The following SLC22A13 variants were observed in gnomAD, a reference collection of about 807,000 sequenced individuals.
SLC22A13 encodes organic anion transporter 10.
Under a neutral mutation model 49.1 loss-of-function variants are expected in SLC22A13, and 42 were observed. The ratio of observed to expected loss-of-function variants is 0.85; its 90% CI spans 0.67 to 1.11. SLC22A13 has a LOEUF of 1.11. SLC22A13 is among the 50% of genes least tolerant of loss of function. The pLI, the probability that SLC22A13 is intolerant of heterozygous loss-of-function variation, is 0.00. For missense variants in SLC22A13, 694 were observed against 712.8 expected, an observed-to-expected ratio of 0.97 and a Z score of 0.30; for synonymous variants, 282 against 293.1, an observed-to-expected ratio of 0.96 and a Z score of 0.39.
At chr3:38,276,421 T>A in intron 8 of SLC22A13, 26 bp downstream of exon 8, 1 of 1,476,902 alleles carries the variant, frequency 6.8e-7, no homozygotes, top group Non-Finnish European at 9.4e-7. Context: ...TGACTCCTGC[T>A]CCTCTGCTAC....
In SLC22A13 at chr3:38,277,743, T is replaced by G. The variant is rs922115942; in HGVS notation, c.*278T>G. On this transcript the variant is annotated 3_prime_UTR_variant, in exon 10 of 10. Transcript: ENST00000311856. ...TAGGATCTTGGGTATGTCTTGGAAT[T>G]AACTTGTCCTCTAACAATCTTCATG... The G allele has an allele frequency of 6.5e-6, 2 of 309,916 alleles. No homozygotes were observed. The highest frequency in any genetic ancestry group is 4.6e-5 in the Admixed American group (1 of 21,788). The allele number at this position is 309,916 out of a possible 1,614,324, so 19.2% of individuals were successfully genotyped here.
chr3:38,273,688 G>A (rs897818494), intron 1 of SLC22A13, among the ~76,000 whole-genome samples: 3 of 152,218 alleles, frequency 2.0e-5, no homozygotes, highest in African/African-American at 7.2e-5. Context: ...CAGGCCAAAA[G>A]AAATGCCTAA....
chr3:38,275,559 C>G lies in SLC22A13; in HGVS notation c.928-19C>G, dbSNP rs199896503. The G allele has an allele frequency of 5.6e-6, 9 of 1,613,964 alleles. No individual in the cohort carries two copies. In the Admixed American group the frequency reaches 1.2e-4, roughly 21 times the overall value. On this transcript the variant is annotated intron_variant, in intron 5 of 9. Transcript: ENST00000311856. ...ACGGATCTTCCTGCCTGGCTTCTCA[C>G]TCTGCTTCTTCCTCCCAGCTGGTCC... is the stretch of plus-strand genomic sequence containing the variant.
rs373051920 is a variant in SLC22A13 at position 38,268,069 on chromosome 3, TATC to T, written c.378+1834_378+1836del. ...TGAAAAGAATGCATACACAAAGAAT[TATC>T]ATGTGAGAAAGCATTGGTTAACGCT... is the stretch of plus-strand genomic sequence containing the variant. On this transcript the variant is annotated intron_variant, in intron 1 of 9. Transcript: ENST00000311856. Among the ~76,000 whole-genome samples, 387 of 152,322 alleles carry T rather than the reference TATC, an allele frequency of 2.5e-3. 2 individuals carry two copies. The highest frequency in any genetic ancestry group is 8.3e-3 in the African/African-American group (344 of 41,560).
At position 38,269,981 on chromosome 3, in the gene SLC22A13, T is replaced by A. The variant is rs1703503225; in HGVS notation, c.378+3743T>A. On this transcript the variant is annotated intron_variant, in intron 1 of 9. Coordinates refer to ENST00000311856, the MANE Select transcript of SLC22A13 (RefSeq NM_004256.4). ...GAATATACGGTGTTTGGTTTTTTGTTCTTGCGATAGTTTACTGAGAATGAT... is the reference window on the plus strand; with the variant it reads ...GAATATACGGTGTTTGGTTTTTTGTACTTGCGATAGTTTACTGAGAATGAT... Among the ~76,000 whole-genome samples the A allele has an allele frequency of 2.0e-5, 3 of 151,468 alleles. No homozygotes were observed. The South Asian group carries it at 6.3e-4, about 32-fold the overall frequency.
intron 6 of SLC22A13, 97 bp from the exon 7 acceptor site, chr3:38,275,785 C>T: frequency 6.8e-7 from 1 of 1,470,480 alleles, no homozygotes; most frequent in South Asian, 1.2e-5. Flanking sequence ...CCTGGTTGTG[C>T]CAGTGTCCCC....
At chr3:38,266,495 T>G (rs1703465951) in intron 1 of SLC22A13, among the ~76,000 whole-genome samples, 1 of 152,228 alleles carries the variant, frequency 6.6e-6, no homozygotes, top group East Asian at 1.9e-4. Context: ...GTCTCTGTCT[T>G]TCCTTGTCTC....
chr3:38,277,692 C>G lies in SLC22A13; in HGVS notation c.*227C>G, dbSNP rs1703603868. ...TCCTTCACCTTTCTCATCTCCAGAG[C>G]CCTGCCCCCAATACTCTGTCTGGGT... On this transcript the variant is annotated 3_prime_UTR_variant, in exon 10 of 10. Transcript: ENST00000311856. 1 of 478,098 alleles carries G rather than the reference C, an allele frequency of 2.1e-6. No homozygotes were observed. Among genetic ancestry groups the G allele is most frequent in the African/African-American group, 1.9e-5 (1 of 51,342 alleles). The allele number at this position is 478,098 out of a possible 1,614,324, so 29.6% of individuals were successfully genotyped here.
At chr3:38,268,941 AAAACAAACAAAC>A (rs746937457) in intron 1 of SLC22A13, among the ~76,000 whole-genome samples, 3 of 152,068 alleles carry the variant, frequency 2.0e-5, no homozygotes, top group Admixed American at 6.5e-5. Flanking sequence ...AAACACCCGC[AAAACAAACAAAC>A]AAACAAACAA....
At chr3:38,272,029 A>T (rs552045888) in intron 1 of SLC22A13, among the ~76,000 whole-genome samples, 2 of 152,206 alleles carry the variant, frequency 1.3e-5, no homozygotes, top group Non-Finnish European at 2.9e-5. Context: ...ACCACCTGCA[A>T]CATGACAACA....
intron 4 of SLC22A13, 32 bp downstream of exon 4, chr3:38,275,189 C>G (rs911392343): frequency 1.9e-6 from 3 of 1,612,496 alleles, no homozygotes; most frequent in East Asian, 2.2e-5. Context: ...AGCAAGCCCC[C>G]CCAGGTTAGT....
In SLC22A13 at chr3:38,275,491, G is replaced by A. The variant is rs1244158506; in HGVS notation, c.927+1G>A. The A allele has an allele frequency of 6.2e-7, 1 of 1,614,214 alleles. No homozygotes were observed. Among genetic ancestry groups the A allele is most frequent in the Non-Finnish European group, 8.5e-7 (1 of 1,180,032 alleles). On this transcript the variant is annotated splice_donor_variant, in intron 5 of 9. Transcript: ENST00000311856. LOFTEE classifies it high-confidence loss of function. ...ACTCTCCCCGGAGCTCATGAACCAG[G>A]TACTTCCAGCAGGCCCAGGCCCAGG...
At chr3:38,273,200 G>C (rs747282956) in intron 1 of SLC22A13, among the ~76,000 whole-genome samples, 1 of 152,172 alleles carries the variant, frequency 6.6e-6, no homozygotes, top group African/African-American at 2.4e-5. Flanking sequence ...AAACCCCATG[G>C]GGTGGGGGTC....
intron 9 of SLC22A13, 103 bp downstream of exon 9, chr3:38,277,230 A>T (rs181288578): frequency 3.3e-4 from 373 of 1,130,830 alleles, no homozygotes; most frequent in Non-Finnish European, 4.5e-4. Context: ...TGTTGCCTAG[A>T]GGCTAATATG....
chr3:38,269,845 T>G (rs1039224012), intron 1 of SLC22A13, among the ~76,000 whole-genome samples: 1 of 151,592 alleles, frequency 6.6e-6, no homozygotes, highest in Admixed American at 6.6e-5. Flanking sequence ...TAGGTATATC[T>G]CCTACAGCTA....
In SLC22A13 at chr3:38,275,122, CA is replaced by C; in HGVS notation, c.772del (p.Thr258LeufsTer22). ...ACTGGAGGCTCCTTCAGATCACCGG[CA>C]CTGCGCCTGGCTTACTGCTCTTCTT... ...RNWRLLQITG[T>X]APGLLLFFYF... On this transcript the variant is annotated frameshift_variant, in exon 4 of 10. Transcript: ENST00000311856. LOFTEE classifies it high-confidence loss of function. 1 of 1,614,246 alleles carries C rather than the reference CA, an allele frequency of 6.2e-7. No individual in the cohort carries two copies. The highest frequency in any genetic ancestry group is 8.5e-7 in the Non-Finnish European group (1 of 1,180,044).
chr3:38,275,703 C>G (rs41285121), intron 6 of SLC22A13, 31 bp downstream of exon 6: 22,197 of 1,600,530 alleles, frequency 0.014, 216 homozygotes, highest in Middle Eastern at 0.045. Flanking sequence ...GACAGAACCA[C>G]AGGGCTGCAG....
intron 7 of SLC22A13, 63 bp downstream of exon 7, chr3:38,276,159 C>T (rs1277134599): frequency 6.6e-7 from 1 of 1,520,240 alleles, no homozygotes; most frequent in African/African-American, 1.4e-5. Context: ...AGGGGCTAGA[C>T]CAGTGGCCAT....
chr3:38,274,457 C>T (rs1233604887), intron 2 of SLC22A13, 82 bp downstream of exon 2: 1 of 1,437,040 alleles, frequency 7.0e-7, no homozygotes, highest in Non-Finnish European at 9.8e-7. Flanking sequence ...ATGCCCCTTA[C>T]ACTGGCCTTT....
Sources: allele counts gnomAD v4.1 joint callset (sites outside exome capture counted in the v4.1 genomes callset), GRCh38; gene constraint gnomAD v4.1.1; transcripts MANE v1.5; gene names NCBI Gene and HGNC (gene_info 2026-07-23, HGNC 2026-07-21).